PRKD1: variants seen among roughly 807,000 people sequenced by gnomAD.
The protein encoded by PRKD1 is protein kinase D1.
Under a neutral mutation model 95.9 loss-of-function variants are expected in PRKD1, and 63 were observed. The observed-to-expected ratio is 0.66, with a 90% CI of 0.54 to 0.81. The LOEUF is 0.81. PRKD1 is among the 30% of genes least tolerant of loss of function. The probability of loss-of-function intolerance (pLI) is 0.00; values close to 1 mark genes in which losing one functional copy is unlikely to be tolerated. For missense variants in PRKD1, 1,048 were observed against 1,165.3 expected (o/e 0.90, Z 1.47); for synonymous variants, 425 against 423.1 (o/e 1.00, Z -0.05).
intron 1 of PRKD1, among the ~76,000 whole-genome samples, chr14:29,864,879 G>A (rs904000387): frequency 6.6e-6 from 1 of 152,112 alleles, no homozygotes; most frequent in Non-Finnish European, 1.5e-5. Context: ...GCTGGAAGAT[G>A]CTCCTGAATT....
At chr14:29,744,197 A>G (rs1887109784) in intron 1 of PRKD1, among the ~76,000 whole-genome samples, 1 of 152,196 alleles carries the variant, frequency 6.6e-6, no homozygotes, top group African/African-American at 2.4e-5. Flanking sequence ...ACAAGGTATC[A>G]CATATTAACA....
At chr14:29,776,349 G>C (rs1314574883) in intron 1 of PRKD1, among the ~76,000 whole-genome samples, 1 of 152,164 alleles carries the variant, frequency 6.6e-6, no homozygotes, top group Non-Finnish European at 1.5e-5. Context: ...ACTTCTCCGA[G>C]CTAAAGGAGG....
chr14:29,590,483 T>C (rs1473547837), intron 16 of PRKD1, among the ~76,000 whole-genome samples: 1 of 152,198 alleles, frequency 6.6e-6, no homozygotes, highest in East Asian at 1.9e-4. Flanking sequence ...AATCCCATTA[T>C]GAACTCGGTG....
rs370106032 is a variant in PRKD1 at position 29,599,822 on chromosome 14, T to C, written c.1906-5A>G. On this transcript the variant is annotated splice_region_variant and splice_polypyrimidine_tract_variant and intron_variant, in intron 13 of 17. Coordinates refer to ENST00000331968, the MANE Select transcript of PRKD1 (RefSeq NM_002742.3). ...AACACCAGGGTGATGAAGGTTCTAT[T>C]AAAGATAAATAAAGCACTTGAAGAA... is the stretch of plus-strand genomic sequence containing the variant. 1.3e-6 allele frequency: 2 copies of C among 1,599,486 alleles called. No homozygotes were observed. The highest frequency in any genetic ancestry group is 8.5e-7 in the Non-Finnish European group (1 of 1,175,758).
chr14:29,620,796 T>A (rs1262312465), intron 13 of PRKD1, among the ~76,000 whole-genome samples: 1 of 152,080 alleles, frequency 6.6e-6, no homozygotes, highest in Non-Finnish European at 1.5e-5. Flanking sequence ...GAAGTAGAAA[T>A]ACCATTTGAC....
At chr14:29,659,254 G>T (rs899952278) in intron 4 of PRKD1, among the ~76,000 whole-genome samples, 35 of 152,260 alleles carry the variant, frequency 2.3e-4, no homozygotes, top group African/African-American at 8.2e-4. Flanking sequence ...TCATAAGTAT[G>T]TACCCTTTGT....
chr14:29,769,164 C>T (rs1888392659), intron 1 of PRKD1, among the ~76,000 whole-genome samples: 1 of 152,148 alleles, frequency 6.6e-6, no homozygotes, highest in African/African-American at 2.4e-5. Flanking sequence ...TCATGTATCA[C>T]CAACAGGAGA....
intron 16 of PRKD1, among the ~76,000 whole-genome samples, chr14:29,582,276 G>A (rs1892778933): frequency 6.6e-6 from 1 of 152,030 alleles, no homozygotes; most frequent in African/African-American, 2.4e-5. Context: ...TAAATACTGA[G>A]CTTCTTGTTG....
chr14:29,888,966 C>A (rs1039177238), intron 1 of PRKD1, among the ~76,000 whole-genome samples: 23 of 152,274 alleles, frequency 1.5e-4, no homozygotes, highest in Non-Finnish European at 1.8e-4. Context: ...GTCACCCGAA[C>A]CTTTCAAGCA....
intron 12 of PRKD1, among the ~76,000 whole-genome samples, chr14:29,624,799 T>G (rs749026032): frequency 6.6e-6 from 1 of 152,140 alleles, no homozygotes; most frequent in Non-Finnish European, 1.5e-5. Flanking sequence ...CCCTGGTAAC[T>G]ATGCACACTC....
intron 1 of PRKD1, among the ~76,000 whole-genome samples, chr14:29,921,684 A>G (rs1357213963): frequency 6.6e-6 from 1 of 152,234 alleles, no homozygotes; most frequent in African/African-American, 2.4e-5. Context: ...ATTAGAAAAT[A>G]AAGTTATAAA....
At chr14:29,718,938 A>T (rs1049775261) in intron 2 of PRKD1, among the ~76,000 whole-genome samples, 2 of 152,170 alleles carry the variant, frequency 1.3e-5, no homozygotes, top group African/African-American at 4.8e-5. Flanking sequence ...TTCTGCCTAA[A>T]TTTCACAGAA....
rs1049334292 is a variant in PRKD1, at chr14:29,625,042, A to C, written c.1799-784T>G. On this transcript the variant is annotated intron_variant, in intron 12 of 17. Coordinates refer to ENST00000331968, the MANE Select transcript of PRKD1 (RefSeq NM_002742.3). The stretch of plus-strand genomic sequence containing the variant: ...AAATGGAAAATGGATCTAATTACTC[A>C]AACTTTTTGGTAACATACAAACTAA... Among the ~76,000 whole-genome samples the C allele has an allele frequency of 2.6e-5, 4 of 152,314 alleles. No homozygotes were observed. In the East Asian group the frequency reaches 5.8e-4, roughly 22 times the overall value.
At chr14:29,671,401 A>C (rs1333931758) in intron 2 of PRKD1, among the ~76,000 whole-genome samples, 2 of 152,188 alleles carry the variant, frequency 1.3e-5, no homozygotes, top group Non-Finnish European at 1.5e-5. Context: ...AGGCCAAAAG[A>C]AGGAAAAGCT....
At chr14:29,701,317 C>T (rs532884344) in intron 2 of PRKD1, among the ~76,000 whole-genome samples, 1 of 152,274 alleles carries the variant, frequency 6.6e-6, no homozygotes, top group East Asian at 1.9e-4. Context: ...CAAAAATCTA[C>T]GTTTTCACAA....
In PRKD1 at chr14:29,679,806, C is replaced by A. The variant is rs1385715491; in HGVS notation, c.404-13598G>T. Among the ~76,000 whole-genome samples the A allele has an allele frequency of 2.0e-5, 3 of 150,716 alleles. No homozygotes were observed. The East Asian group carries it at 5.8e-4, about 29-fold the overall frequency. On this transcript the variant is annotated intron_variant, in intron 2 of 17. Coordinates refer to ENST00000331968, the MANE Select transcript of PRKD1 (RefSeq NM_002742.3). ...GCAGTGGTGCAATCTTGGCTCACTG[C>A]AACCTCTGCCTCTCAGGTTCCAGCA...
intron 1 of PRKD1, among the ~76,000 whole-genome samples, chr14:29,903,755 T>C (rs1054035134): frequency 2.6e-5 from 4 of 152,318 alleles, no homozygotes; most frequent in East Asian, 3.9e-4. Context: ...CCTGTCTATA[T>C]TTAGATGTTT....
At chr14:29,664,717 A>G (rs1882385040) in intron 3 of PRKD1, among the ~76,000 whole-genome samples, 1 of 152,216 alleles carries the variant, frequency 6.6e-6, no homozygotes, top group Admixed American at 6.5e-5. Flanking sequence ...CCCAATCCAA[A>G]GAGAATAGAG....
chr14:29,846,418 T>A (rs536699877), intron 1 of PRKD1, among the ~76,000 whole-genome samples: 1 of 152,114 alleles, frequency 6.6e-6, no homozygotes, highest in African/African-American at 2.4e-5. Flanking sequence ...GGTTACCCTA[T>A]GAATATCCAG....
Sources: allele counts gnomAD v4.1 joint callset (sites outside exome capture counted in the v4.1 genomes callset), GRCh38; gene constraint gnomAD v4.1.1; transcripts MANE v1.5; gene names NCBI Gene and HGNC (gene_info 2026-07-23, HGNC 2026-07-21).